Variants in CCDC54 observed in about 807,000 individuals in gnomAD.
The protein encoded by CCDC54 is coiled-coil domain containing 54, also known as coiled-coil domain-containing protein 54.
In CCDC54, 2 loss-of-function variants were observed where a neutral mutation model predicts 2.9. The observed-to-expected ratio is 0.69, with a 90% CI of 0.28 to 2.16. The LOEUF is 2.16. Among genes scored for constraint, CCDC54 ranks in the 30% most tolerant of loss-of-function variants. The probability of loss-of-function intolerance (pLI) is 0.13; values close to 1 mark genes in which losing one functional copy is unlikely to be tolerated. For missense variants in CCDC54, 368 were observed against 378.1 expected, an observed-to-expected ratio of 0.97 and a Z score of 0.22; for synonymous variants, 128 against 129.6, an observed-to-expected ratio of 0.99 and a Z score of 0.08.
In CCDC54 at chr3:107,377,654, A is replaced by G. The variant is rs1446766297; in HGVS notation, c.67A>G (p.Lys23Glu). 6.2e-7 allele frequency: 1 copy of G among 1,614,056 alleles called. No homozygotes were observed. Among genetic ancestry groups the G allele is most frequent in the African/African-American group, 1.3e-5 (1 of 74,952 alleles). The stretch of plus-strand genomic sequence containing the variant: ...GCAGATGTGGACTTCAAATCTCTCC[A>G]AGGTCAGACAGTCTCTTAAAAATGT... ...ARQMWTSNLSKVRQSLKNVYH... is the reference protein window; with the variant it reads ...ARQMWTSNLSEVRQSLKNVYH... The change falls in exon 1 of 1, where the codon AAG becomes GAG. Residue 23 changes from lysine (K) to glutamate (E), a missense_variant. Transcript: ENST00000261058.
chr3:107,377,875 A>G lies in CCDC54; in HGVS notation c.288A>G (p.Glu96=), dbSNP rs2046547413. 1 of 1,614,152 alleles carries G rather than the reference A, an allele frequency of 6.2e-7. No homozygotes were observed. ...TCCATATGATACCAAAAGTCCAGGA[A>G]AAGACTGACTTGTATCAAAAACAGA... ...DIVHMIPKVQ[E]KTDLYQKQME... Residue 96 remains glutamate (E), a synonymous_variant, in exon 1 of 1, where the codon GAA becomes GAG. Transcript: ENST00000261058.
In CCDC54 at chr3:107,377,645, A is replaced by G. The variant is rs569403431; in HGVS notation, c.58A>G (p.Asn20Asp). The change falls in exon 1 of 1, where the codon AAT becomes GAT. Residue 20 changes from asparagine (N) to aspartate (D), a missense_variant. By Grantham distance (23) the Asn-to-Asp change is conservative (BLOSUM62 1). Transcript: ENST00000261058. The stretch of plus-strand genomic sequence containing the variant: ...TGCTGCTAGGCAGATGTGGACTTCA[A>G]ATCTCTCCAAGGTCAGACAGTCTCT... ...KAAARQMWTS[N>D]LSKVRQSLKN... 7.6e-5 allele frequency: 122 copies of G among 1,614,098 alleles called. No homozygotes were observed. The South Asian group carries it at 1.3e-3, about 17-fold the overall frequency.
chr3:107,377,803 T>C lies in CCDC54; in HGVS notation c.216T>C (p.Asp72=), dbSNP rs764605040. The C allele has an allele frequency of 6.2e-7, 1 of 1,614,192 alleles. No homozygotes were observed. The highest frequency in any genetic ancestry group is 1.1e-5 in the South Asian group (1 of 91,080). The change falls in exon 1 of 1, where the codon GAT becomes GAC. Residue 72 remains aspartate (D), a synonymous_variant. Coordinates refer to ENST00000261058, the MANE Select transcript of CCDC54 (RefSeq NM_032600.3). The stretch of plus-strand genomic sequence containing the variant: ...TGAATCTTCCAGTAGTGCTCCAAGA[T>C]GTTAAAACTGCTCAAGTTGAACTTT... The part of the protein sequence containing the change: ...GKMNLPVVLQ[D]VKTAQVELFS...
rs757164961 is a variant in CCDC54, at chr3:107,378,270, C to T, written c.683C>T (p.Ala228Val). Residue 228 changes from alanine (A) to valine (V), a missense_variant, in exon 1 of 1, where the codon GCA becomes GTA. Ala to Val is a moderately conservative substitution (Grantham distance 64). Coordinates refer to ENST00000261058, the MANE Select transcript of CCDC54 (RefSeq NM_032600.3). ...CTGAAGAAACGTAACCATCAAAATG[C>T]ATCAAGGAGCTTTGAAAAAGCAAAG... ...KTLKKRNHQN[A>V]SRSFEKAKPN... The T allele has an allele frequency of 2.1e-5, 34 of 1,614,038 alleles. No homozygotes were observed. Among genetic ancestry groups the T allele is most frequent in the Non-Finnish European group, 2.8e-5 (33 of 1,179,976 alleles).
the CCDC54 span, chr3:107,377,808 AAACTGCTCAAGTTG>A: frequency 6.2e-7 from 1 of 1,614,188 alleles, no homozygotes; most frequent in Non-Finnish European, 8.5e-7. Context: ...CAAGATGTTA[AAACTGCTCAAGTTG>A]AACTTTTCAG....
At position 107,378,280 on chromosome 3, in the gene CCDC54, C is replaced by G. The variant is rs753876275; in HGVS notation, c.693C>G (p.Ser231Arg). The change falls in exon 1 of 1, where the codon AGC becomes AGG. Residue 231 changes from serine (S) to arginine (R), a missense_variant. Transcript: ENST00000261058. ...KKRNHQNASRSFEKAKPNIYI... is the reference protein window; with the variant it reads ...KKRNHQNASRRFEKAKPNIYI... ...GTAACCATCAAAATGCATCAAGGAG[C>G]TTTGAAAAAGCAAAGCCAAATATTT... The G allele has an allele frequency of 1.1e-5, 18 of 1,613,960 alleles. No individual in the cohort carries two copies. The East Asian group carries it at 3.6e-4, about 32-fold the overall frequency.
In CCDC54 at chr3:107,377,595, C is replaced by G. The variant is rs759401612; in HGVS notation, c.8C>G (p.Thr3Arg). The change falls in exon 1 of 1, where the codon ACA (threonine) becomes AGA (arginine). Residue 3 changes from threonine to arginine, a missense_variant. Transcript: ENST00000261058. MY[T>R]LHTKRVKAAA... ...CTTGTTTCACCATGAAAGATGTACA[C>G]ACTTCACACCAAAAGGGTAAAAGCT... 1.2e-6 allele frequency: 2 copies of G among 1,607,544 alleles called. No homozygotes were observed. Among genetic ancestry groups the G allele is most frequent in the African/African-American group, 2.7e-5 (2 of 74,648 alleles).
At position 107,377,770 on chromosome 3, in the gene CCDC54, C is replaced by A. The variant is rs144553244; in HGVS notation, c.183C>A (p.Asp61Glu). 2 of 1,614,038 alleles carry A rather than the reference C, an allele frequency of 1.2e-6. No homozygotes were observed. The highest frequency in any genetic ancestry group is 2.2e-5 in the East Asian group (1 of 44,880). The stretch of plus-strand genomic sequence containing the variant: ...GTAATCAAGATGATGATAGTTATGA[C>A]GGAAAAATGAATCTTCCAGTAGTGC... ...DDCNQDDDSYDGKMNLPVVLQ... is the reference protein window; with the variant it reads ...DDCNQDDDSYEGKMNLPVVLQ... The change falls in exon 1 of 1, where the codon GAC becomes GAA. Residue 61 changes from aspartate (D) to glutamate (E), a missense_variant. Coordinates refer to ENST00000261058, the MANE Select transcript of CCDC54 (RefSeq NM_032600.3).
In CCDC54 at chr3:107,378,157, C is replaced by A; in HGVS notation, c.570C>A (p.Ile190=). Residue 190 remains isoleucine (I), a synonymous_variant, in exon 1 of 1, where the codon ATC becomes ATA. Coordinates refer to ENST00000261058, the MANE Select transcript of CCDC54 (RefSeq NM_032600.3). The part of the protein sequence containing the change: ...KNTLASTDME[I]SSAEPEKVPS... Reference sequence around the variant, plus strand: ...CTTTGGCCTCTACAGACATGGAAATCTCTTCAGCAGAACCAGAGAAAGTGC... The same window carrying A: ...CTTTGGCCTCTACAGACATGGAAATATCTTCAGCAGAACCAGAGAAAGTGC... 6.2e-7 allele frequency: 1 copy of A among 1,614,190 alleles called. No individual in the cohort carries two copies. Among genetic ancestry groups the A allele is most frequent in the Non-Finnish European group, 8.5e-7 (1 of 1,180,038 alleles).
rs1432271124 is a variant in CCDC54, at chr3:107,377,724, C to G, written c.137C>G (p.Pro46Arg). The change falls in exon 1 of 1, where the codon CCC becomes CGC. Residue 46 changes from proline to arginine, a missense_variant. Transcript: ENST00000261058. ...CGGCACCAAGATTCAACTGGATATC[C>G]CACTGTGACATCTGATGATTGTAAT... ...KIRHQDSTGY[P>R]TVTSDDCNQD... 1.9e-6 allele frequency: 3 copies of G among 1,613,934 alleles called. No homozygotes were observed. The Admixed American group carries it at 5.0e-5, about 27-fold the overall frequency.
Position 107,377,859 on chromosome 3 carries a change from T to A in CCDC54, c.272T>A (p.Ile91Lys). The A allele has an allele frequency of 6.2e-7, 1 of 1,614,130 alleles. No individual in the cohort carries two copies. Among genetic ancestry groups the A allele is most frequent in the Non-Finnish European group, 8.5e-7 (1 of 1,180,022 alleles). ...CAAATGACTGACATTGTCCATATGATACCAAAAGTCCAGGAAAAGACTGAC... is the reference window on the plus strand; with the variant it reads ...CAAATGACTGACATTGTCCATATGAAACCAAAAGTCCAGGAAAAGACTGAC... Reference protein sequence around the residue: ...FSQMTDIVHMIPKVQEKTDLY... With the variant: ...FSQMTDIVHMKPKVQEKTDLY... The change falls in exon 1 of 1, where the codon ATA becomes AAA. Residue 91 changes from isoleucine to lysine, a missense_variant. Coordinates refer to ENST00000261058, the MANE Select transcript of CCDC54 (RefSeq NM_032600.3).
At position 107,378,208 on chromosome 3, in the gene CCDC54, T is replaced by C; in HGVS notation, c.621T>C (p.His207=). 1 of 1,614,094 alleles carries C rather than the reference T, an allele frequency of 6.2e-7. No individual in the cohort carries two copies. The highest frequency in any genetic ancestry group is 8.5e-7 in the Non-Finnish European group (1 of 1,180,004). Reference sequence around the variant, plus strand: ...CCAGTTATCCAAAGTCCACTGACCATCTTGAGAAAAAAACAATTTCTCCCC... The same window carrying C: ...CCAGTTATCCAAAGTCCACTGACCACCTTGAGAAAAAAACAATTTCTCCCC... ...KVPSYPKSTD[H]LEKKTISPQM... The change falls in exon 1 of 1, where the codon CAT becomes CAC. Residue 207 remains histidine (H), a synonymous_variant. Coordinates refer to ENST00000261058, the MANE Select transcript of CCDC54 (RefSeq NM_032600.3).
chr3:107,378,241 A>C lies in CCDC54; in HGVS notation c.654A>C (p.Lys218Asn). Residue 218 changes from lysine to asparagine, a missense_variant, in exon 1 of 1, where the codon AAA becomes AAC. Physicochemically the swap from Lys to Asn is moderately conservative, Grantham distance 94. Coordinates refer to ENST00000261058, the MANE Select transcript of CCDC54 (RefSeq NM_032600.3). Reference sequence around the variant, plus strand: ...AAAAAACAATTTCTCCCCAAATGAAAACTCTGAAGAAACGTAACCATCAAA... The same window carrying C: ...AAAAAACAATTTCTCCCCAAATGAACACTCTGAAGAAACGTAACCATCAAA... ...LEKKTISPQM[K>N]TLKKRNHQNA... The C allele has an allele frequency of 6.2e-7, 1 of 1,614,052 alleles. No homozygotes were observed. Among genetic ancestry groups the C allele is most frequent in the Non-Finnish European group, 8.5e-7 (1 of 1,180,030 alleles).
chr3:107,378,332 A>T lies in CCDC54; in HGVS notation c.745A>T (p.Ile249Phe). ...IYIYPDFSTW[I>F]KLTFVHGGKW... ...CATTTACCCAGACTTCAGTACATGGATCAAGCTAACTTTTGTTCATGGAGG... is the reference window on the plus strand; with the variant it reads ...CATTTACCCAGACTTCAGTACATGGTTCAAGCTAACTTTTGTTCATGGAGG... The change falls in exon 1 of 1, where the codon ATC becomes TTC. Residue 249 changes from isoleucine (I) to phenylalanine (F), a missense_variant. Ile to Phe is a conservative substitution (Grantham distance 21, BLOSUM62 0). Coordinates refer to ENST00000261058, the MANE Select transcript of CCDC54 (RefSeq NM_032600.3). 2 of 1,614,238 alleles carry T rather than the reference A, an allele frequency of 1.2e-6. No individual in the cohort carries two copies. The highest frequency in any genetic ancestry group is 1.7e-6 in the Non-Finnish European group (2 of 1,180,030).
rs770707414 is a variant in CCDC54 at position 107,378,608 on chromosome 3, T to C, written c.*34T>C. 3 of 1,575,214 alleles carry C rather than the reference T, an allele frequency of 1.9e-6. No homozygotes were observed. The highest frequency in any genetic ancestry group is 4.5e-5 in the East Asian group (2 of 44,692). The stretch of plus-strand genomic sequence containing the variant: ...TCTGCTTTGCTTGGCACAAAATAAA[T>C]GTAACCTGGAGGCTCCAAGTATTCA... On this transcript the variant is annotated 3_prime_UTR_variant, in exon 1 of 1. Transcript: ENST00000261058.
chr3:107,377,773 A>T lies in CCDC54; in HGVS notation c.186A>T (p.Gly62=). Residue 62 remains glycine (G), a synonymous_variant, in exon 1 of 1, where the codon GGA becomes GGT. Coordinates refer to ENST00000261058, the MANE Select transcript of CCDC54 (RefSeq NM_032600.3). The part of the protein sequence containing the change: ...DCNQDDDSYD[G]KMNLPVVLQD... ...ATCAAGATGATGATAGTTATGACGG[A>T]AAAATGAATCTTCCAGTAGTGCTCC... 6.2e-7 allele frequency: 1 copy of T among 1,614,110 alleles called. No homozygotes were observed. The highest frequency in any genetic ancestry group is 8.5e-7 in the Non-Finnish European group (1 of 1,179,964).
At chr3:107,378,221 AC>A in the CCDC54 span, 1 of 1,614,168 alleles carries the variant, frequency 6.2e-7, no homozygotes, top group Non-Finnish European at 8.5e-7. Context: ...TGAGAAAAAA[AC>A]AATTTCTCCC....
At position 107,378,124 on chromosome 3, in the gene CCDC54, G is replaced by T; in HGVS notation, c.537G>T (p.Leu179=). The T allele has an allele frequency of 6.2e-7, 1 of 1,614,146 alleles. No homozygotes were observed. The highest frequency in any genetic ancestry group is 8.5e-7 in the Non-Finnish European group (1 of 1,180,022). The change falls in exon 1 of 1, where the codon CTG becomes CTT. Residue 179 remains leucine, a synonymous_variant. Coordinates refer to ENST00000261058, the MANE Select transcript of CCDC54 (RefSeq NM_032600.3). ...LLYKLIQPAT[L]KNTLASTDME... Reference sequence around the variant, plus strand: ...ACAAACTCATACAACCAGCAACTCTGAAGAACACTTTGGCCTCTACAGACA... The same window carrying T: ...ACAAACTCATACAACCAGCAACTCTTAAGAACACTTTGGCCTCTACAGACA...
Position 107,378,116 on chromosome 3 carries a change from G to C in CCDC54, c.529G>C (p.Ala177Pro). Residue 177 changes from alanine (A) to proline (P), a missense_variant, in exon 1 of 1, where the codon GCA becomes CCA. Physicochemically the swap from Ala to Pro is conservative, Grantham distance 27. Coordinates refer to ENST00000261058, the MANE Select transcript of CCDC54 (RefSeq NM_032600.3). The part of the protein sequence containing the change: ...TELLYKLIQP[A>P]TLKNTLASTD... ...ACTGCTTTACAAACTCATACAACCA[G>C]CAACTCTGAAGAACACTTTGGCCTC... 1 of 1,614,114 alleles carries C rather than the reference G, an allele frequency of 6.2e-7. No homozygotes were observed. Among genetic ancestry groups the C allele is most frequent in the Non-Finnish European group, 8.5e-7 (1 of 1,180,016 alleles).
Sources: allele counts gnomAD v4.1 joint callset, GRCh38; gene constraint gnomAD v4.1.1; transcripts MANE v1.5; gene names NCBI Gene and HGNC (gene_info 2026-07-23, HGNC 2026-07-21).